Variants in VGF observed in about 807,000 individuals in gnomAD.
VGF encodes the protein neurosecretory protein VGF.
A neutral mutation model predicts 41.1 loss-of-function variants in VGF; 13 were observed. The ratio of observed to expected loss-of-function variants is 0.32; its 90% CI spans 0.21 to 0.50. The LOEUF is 0.50. Ranked by LOEUF, VGF falls within the 20% of genes least tolerant of loss-of-function variation. The pLI is 0.98. For synonymous variants in VGF, 473 were observed against 418.3 expected (o/e 1.13, Z -1.60); for missense variants, 920 against 882.1 (o/e 1.04, Z -0.54).
chr7:101,165,603 G>A, upstream of VGF: 6 of 985,402 alleles, frequency 6.1e-6, no homozygotes, highest in Non-Finnish European at 7.2e-6. Context: ...CCTTATAAAG[G>A]GGAGCGCGCG....
At position 101,163,962 on chromosome 7, in the gene VGF, C is replaced by G. The variant is rs1174867370; in HGVS notation, c.882G>C (p.Glu294Asp). The G allele has an allele frequency of 6.9e-7, 1 of 1,457,042 alleles. No homozygotes were observed. Among genetic ancestry groups the G allele is most frequent in the Non-Finnish European group, 8.9e-7 (1 of 1,119,300 alleles). 90.3% of individuals were successfully genotyped at this position (1,457,042 alleles called of 1,614,324 possible). A position where few individuals can be genotyped will look rare whatever the true frequency, so the allele number is the denominator to read the frequency against. ...GCGCCAGCCCTTGCTGGAGAAGGCG[C>G]TCGCCCGCCTCGGAGCCGCCCAGGA... Reference protein sequence around the residue: ...SALLGGSEAGERLLQQGLAQV... With the variant: ...SALLGGSEAGDRLLQQGLAQV... Residue 294 changes from glutamate to aspartate, a missense_variant, in exon 2 of 2, where the codon GAG (glutamate) becomes GAC (aspartate). Physicochemically the swap from Glu to Asp is conservative, Grantham distance 45. Transcript: ENST00000249330. This position sits in a 1 kb window ranked among gnomAD's most constrained non-coding sequence, Gnocchi z 5.0.
chr7:101,164,258 T>A lies in VGF; in HGVS notation c.586A>T (p.Asn196Tyr). Residue 196 changes from asparagine (N) to tyrosine (Y), a missense_variant, in exon 2 of 2, where the codon AAT (asparagine) becomes TAT (tyrosine). By Grantham distance (143) the Asn-to-Tyr change is moderately radical. Transcript: ENST00000249330. The stretch of plus-strand genomic sequence containing the variant: ...CGCTCTGGCCCCGGGCTCTCCAGAT[T>A]CACTCGGGTCAGCGTGTGCGTGCGG... The part of the protein sequence containing the change: ...ETRTHTLTRV[N>Y]LESPGPERVW... 1 of 1,598,660 alleles carries A rather than the reference T, an allele frequency of 6.3e-7. No individual in the cohort carries two copies. Among genetic ancestry groups the A allele is most frequent in the Non-Finnish European group, 8.5e-7 (1 of 1,176,320 alleles).
At position 101,164,079 on chromosome 7, in the gene VGF, T is replaced by C; in HGVS notation, c.765A>G (p.Lys255=). Residue 255 remains lysine (K), a synonymous_variant, in exon 2 of 2, where the codon AAA becomes AAG. Coordinates refer to ENST00000249330, the MANE Select transcript of VGF (RefSeq NM_003378.4). ...GTGCCAATGCCTCGCCTAGGTGTGT[T>C]TTGGGGGAGGACACTCCTTCCCCGA... is the stretch of plus-strand genomic sequence containing the variant. ...HKFGEGVSSP[K]THLGEALAPL... 1 of 1,499,710 alleles carries C rather than the reference T, an allele frequency of 6.7e-7. No homozygotes were observed. The highest frequency in any genetic ancestry group is 8.8e-7 in the Non-Finnish European group (1 of 1,132,094). 92.9% of individuals were successfully genotyped at this position (1,499,710 alleles called of 1,614,324 possible).
upstream of VGF, among the ~76,000 whole-genome samples, chr7:101,168,701 A>G (rs1305519909): frequency 1.3e-5 from 2 of 152,158 alleles, no homozygotes; most frequent in Admixed American, 1.3e-4. Context: ...GGGGTCCAGC[A>G]TCGTAGGGTT....
At chr7:101,165,997 A>C (rs1797212946), upstream of VGF, among the ~76,000 whole-genome samples, 2 of 152,190 alleles carry the variant, frequency 1.3e-5, no homozygotes, top group African/African-American at 4.8e-5. Flanking sequence ...GAATAGAAAA[A>C]GGGTAGTCCC....
chr7:101,168,686 A>G (rs1797259019), upstream of VGF, among the ~76,000 whole-genome samples: 1 of 151,872 alleles, frequency 6.6e-6, no homozygotes, highest in Non-Finnish European at 1.5e-5. Context: ...GTAGCTGGAG[A>G]AGATGGGGTC....
Position 101,162,822 on chromosome 7 carries a change from G to T in VGF, c.*174C>A. On this transcript the variant is annotated 3_prime_UTR_variant, in exon 2 of 2. Coordinates refer to ENST00000249330, the MANE Select transcript of VGF (RefSeq NM_003378.4). This position sits in a 1 kb window ranked among gnomAD's most constrained non-coding sequence, Gnocchi z 4.2. ...CCGCGGGTGAGCTCTGGGAGTTCGG[G>T]CTCAGGACCCGGGAGGGGGGTCTGG... The T allele has an allele frequency of 1.5e-6, 1 of 662,054 alleles. No homozygotes were observed. Among genetic ancestry groups the T allele is most frequent in the East Asian group, 3.1e-5 (1 of 32,366 alleles). The allele number at this position is 662,054 out of a possible 1,614,324, so 41.0% of individuals were successfully genotyped here. A position where few individuals can be genotyped will look rare whatever the true frequency, so the allele number is the denominator to read the frequency against.
Position 101,164,311 on chromosome 7 carries a change from T to C in VGF, c.533A>G (p.Gln178Arg). The change falls in exon 2 of 2, where the codon CAG becomes CGG. Residue 178 changes from glutamine (Q) to arginine (R), a missense_variant. Around this residue, in one of 3 missense-constraint regions of VGF, gnomAD observed 654 missense variants for 638.4 expected, o/e 1.02. Transcript: ENST00000249330. Reference protein sequence around the residue: ...DFSPSSAKRQQETAAAETETR... With the variant: ...DFSPSSAKRQRETAAAETETR... ...TTCCGTCTCTGCTGCCGCCGTCTCC[T>C]GCTGGCGCTTGGCGCTACTTGGACT... is the stretch of plus-strand genomic sequence containing the variant. 6.2e-7 allele frequency: 1 copy of C among 1,610,440 alleles called. No homozygotes were observed. The highest frequency in any genetic ancestry group is 1.1e-5 in the South Asian group (1 of 91,090).
At chr7:101,169,931 T>C (rs2116717530), upstream of VGF, among the ~76,000 whole-genome samples, 1 of 152,346 alleles carries the variant, frequency 6.6e-6, no homozygotes, top group Admixed American at 6.5e-5. Context: ...TGTGCTGCCT[T>C]GCCCGCGTCC....
upstream of VGF, among the ~76,000 whole-genome samples, chr7:101,166,386 G>GC (rs1282211782): frequency 1.3e-5 from 2 of 152,124 alleles, no homozygotes; most frequent in Non-Finnish European, 2.9e-5. Flanking sequence ...TTGTGTCAAG[G>GC]CCCCCCGCTG....
Position 101,164,416 on chromosome 7 carries a change from G to C in VGF, c.428C>G (p.Pro143Arg), listed in dbSNP as rs1383222587. 13 of 1,609,118 alleles carry C rather than the reference G, an allele frequency of 8.1e-6. No homozygotes were observed. The highest frequency in any genetic ancestry group is 1.1e-5 in the Non-Finnish European group (13 of 1,179,028). Reference protein sequence around the residue: ...EPAAPPRPQTPENGPEASDPS... With the variant: ...EPAAPPRPQTRENGPEASDPS... ...ATCGCTCGCCTCGGGCCCATTCTCC[G>C]GAGTCTGAGGGCGAGGCGGAGCCGC... The change falls in exon 2 of 2, where the codon CCG (proline) becomes CGG (arginine). Residue 143 changes from proline to arginine, a missense_variant. By Grantham distance (103) the Pro-to-Arg change is moderately radical. Transcript: ENST00000249330.
chr7:101,165,482 C>G lies in VGF; in HGVS notation c.-129G>C, dbSNP rs939995657. 3.0e-6 allele frequency: 3 copies of G among 985,262 alleles called. No individual in the cohort carries two copies. The African/African-American group carries it at 5.2e-5, about 17-fold the overall frequency. The allele number at this position is 985,262 out of a possible 1,614,324, so 61.0% of individuals were successfully genotyped here. On this transcript the variant is annotated 5_prime_UTR_variant, in exon 1 of 2. Coordinates refer to ENST00000249330, the MANE Select transcript of VGF (RefSeq NM_003378.4). The stretch of plus-strand genomic sequence containing the variant: ...CTCCGAGCGGTGGCCGGGGTAGGAG[C>G]GACGGTCGAGGTCTGGCGTCCCGTG...
At position 101,163,793 on chromosome 7, in the gene VGF, G is replaced by T; in HGVS notation, c.1051C>A (p.Leu351Met). 1 of 1,533,100 alleles carries T rather than the reference G, an allele frequency of 6.5e-7. No homozygotes were observed. 95.0% of individuals were successfully genotyped at this position (1,533,100 alleles called of 1,614,324 possible). ...ARQRGLGGRG[L>M]QEAAEERESA... ...TCTCGCTCCTCCGCCGCCTCCTGCAGCCCCCGACCCCCGAGGCCGCGCTGC... is the reference window on the plus strand; with the variant it reads ...TCTCGCTCCTCCGCCGCCTCCTGCATCCCCCGACCCCCGAGGCCGCGCTGC... Residue 351 changes from leucine to methionine, a missense_variant, in exon 2 of 2, where the codon CTG (leucine) becomes ATG (methionine). Leu to Met is a conservative substitution (Grantham distance 15). Coordinates refer to ENST00000249330, the MANE Select transcript of VGF (RefSeq NM_003378.4). The surrounding 1 kb of genome is among the most constrained non-coding windows in gnomAD (Gnocchi z 5.0).
rs765369283 is a variant in VGF, at chr7:101,164,651, A to T, written c.193T>A (p.Ser65Thr). ...AGCTCTCCCTCGTCCTGCGGCTCGG[A>T]ATTCCGAGCGCCTCGGACCTCTGGG... ...SAPEVRGARNSEPQDEGELFQ... is the reference protein window; with the variant it reads ...SAPEVRGARNTEPQDEGELFQ... Residue 65 changes from serine (S) to threonine (T), a missense_variant, in exon 2 of 2, where the codon TCC becomes ACC. Transcript: ENST00000249330. 1.3e-5 allele frequency: 20 copies of T among 1,593,530 alleles called. 1 individual carries two copies. The South Asian group carries it at 2.1e-4, about 17-fold the overall frequency.
rs750790296 is a variant in VGF at position 101,163,118 on chromosome 7, AGTGGCGCGAAGGCGGCAAGGC to A, written c.1705_1725del (p.Ala569_His575del). 2.8e-5 allele frequency: 44 copies of A among 1,580,954 alleles called. No homozygotes were observed. Among genetic ancestry groups the A allele is most frequent in the Middle Eastern group, 3.4e-4 (2 of 5,878 alleles). On this transcript the variant is annotated inframe_deletion, in exon 2 of 2. Transcript: ENST00000249330. The surrounding 1 kb of genome is among the most constrained non-coding windows in gnomAD (Gnocchi z 5.0). ...CGCGCCTGGGCCTCCCGGCCGGGAT[AGTGGCGCGAAGGCGGCAAGGC>A]GTGGTGGTAGTGGCGGCGGCGCAAG... is the stretch of plus-strand genomic sequence containing the variant.
upstream of VGF, among the ~76,000 whole-genome samples, chr7:101,168,567 G>A (rs1797257214): frequency 6.6e-6 from 1 of 152,144 alleles, no homozygotes; most frequent in South Asian, 2.1e-4. Flanking sequence ...GCTGGAAAAG[G>A]CAGAGCCCAT....
Position 101,164,583 on chromosome 7 carries a change from C to G in VGF, c.261G>C (p.Leu87=), listed in dbSNP as rs780068002. 21 of 1,600,404 alleles carry G rather than the reference C, an allele frequency of 1.3e-5. No individual in the cohort carries two copies. The highest frequency in any genetic ancestry group is 1.8e-5 in the Non-Finnish European group (21 of 1,176,622). Reference sequence around the variant, plus strand: ...GTGAGGCGGGACGGTCGAGTGCCTGCAGCAGCACCGCGGCCAGCGCCCGGG... The same window carrying G: ...GTGAGGCGGGACGGTCGAGTGCCTGGAGCAGCACCGCGGCCAGCGCCCGGG... ...VDPRALAAVL[L]QALDRPASPP... is the part of the protein sequence containing the mutation. The change falls in exon 2 of 2, where the codon CTG becomes CTC. Residue 87 remains leucine (L), a synonymous_variant. Transcript: ENST00000249330.
chr7:101,169,297 AACACAC>A (rs58218085), upstream of VGF, among the ~76,000 whole-genome samples: 206 of 150,386 alleles, frequency 1.4e-3, 1 homozygote, highest in African/African-American at 4.5e-3. Flanking sequence ...TGGAGAGACT[AACACAC>A]ACACACACAC....
At position 101,165,533 on chromosome 7, in the gene VGF, G is replaced by T. The variant is rs1415675581; in HGVS notation, c.-180C>A. Reference sequence around the variant, plus strand: ...GGCTGGGCTCAGCTGGGTCGGCGCGGCTCCGGGCGGCTAGCTCGCTCCGGC... The same window carrying T: ...GGCTGGGCTCAGCTGGGTCGGCGCGTCTCCGGGCGGCTAGCTCGCTCCGGC... On this transcript the variant is annotated 5_prime_UTR_variant, in exon 1 of 2. Transcript: ENST00000249330. 3.0e-6 allele frequency: 3 copies of T among 985,346 alleles called. No homozygotes were observed. The highest frequency in any genetic ancestry group is 3.6e-6 in the Non-Finnish European group (3 of 829,952). 61.0% of individuals were successfully genotyped at this position (985,346 alleles called of 1,614,324 possible). A position where few individuals can be genotyped will look rare whatever the true frequency, so the allele number is the denominator to read the frequency against.
Sources: gnomAD v4.1 joint callset for allele counts (sites outside exome capture counted in the v4.1 genomes callset) on GRCh38, gnomAD v4.1.1 for gene constraint, gnomAD v4.1.1 regional missense constraint, Gnocchi (gnomAD v3.1) non-coding constraint, MANE v1.5 for transcripts, NCBI Gene and HGNC (gene_info 2026-07-23, HGNC 2026-07-21) for gene names.